CACNA1A: variants seen among roughly 807,000 people sequenced by gnomAD.
CACNA1A encodes the protein calcium voltage-gated channel subunit alpha1 A, also known as voltage-dependent P/Q-type calcium channel subunit alpha-1A.
In CACNA1A, 57 loss-of-function variants were observed where a neutral mutation model predicts 262.4. That is an observed-to-expected ratio of 0.22 (90% CI 0.18 to 0.27). The LOEUF (loss-of-function observed/expected upper bound fraction) is 0.27, where lower values mean the gene tolerates loss of function less well. Ranked by LOEUF, CACNA1A falls within the 10% of genes least tolerant of loss-of-function variation. The pLI is 1.00. For synonymous variants in CACNA1A, 1,431 were observed against 1,419.3 expected (o/e 1.01, Z -0.18); for missense variants, 2,526 against 3,562.8 (o/e 0.71, Z 7.41).
rs563188900 is a variant in CACNA1A at position 13,500,243 on chromosome 19, C to T, written c.293+5689G>A. ...TACCTTTTCTCATTTGCTCAGCAAA[C>T]GTTTATAGGACGCCTGCTTTGTCCC... On this transcript the variant is annotated intron_variant, in intron 1 of 46. Transcript: ENST00000360228. Among the ~76,000 whole-genome samples, 17 of 152,304 alleles carry T rather than the reference C, an allele frequency of 1.1e-4. No individual in the cohort carries two copies. In the South Asian group the frequency reaches 2.1e-3, roughly 19 times the overall value.
intron 3 of CACNA1A, among the ~76,000 whole-genome samples, chr19:13,429,663 T>C (rs1437119275): frequency 2.4e-4 from 36 of 151,948 alleles, no homozygotes. Flanking sequence ...ACTCAGCTAT[T>C]TGTACACACA....
intron 1 of CACNA1A, among the ~76,000 whole-genome samples, chr19:13,466,900 A>C (rs2145011216): frequency 6.7e-6 from 1 of 149,954 alleles, no homozygotes. Flanking sequence ...TTATTTATTT[A>C]TTTATTTATT....
intron 17 of CACNA1A, among the ~76,000 whole-genome samples, chr19:13,301,064 C>T (rs891119790): frequency 6.6e-6 from 1 of 152,232 alleles, no homozygotes; most frequent in Non-Finnish European, 1.5e-5. Flanking sequence ...CCTCCCACCT[C>T]AGCCTCCCAA....
chr19:13,494,019 A>G (rs1179385826), intron 1 of CACNA1A, among the ~76,000 whole-genome samples: 1 of 152,262 alleles, frequency 6.6e-6, no homozygotes. Context: ...TCATCTTGCT[A>G]GAACAAGATA....
intron 1 of CACNA1A, among the ~76,000 whole-genome samples, chr19:13,495,884 G>GTCATCCATCCAGTCATCCAT (rs1254760543): frequency 6.6e-6 from 1 of 151,546 alleles, no homozygotes; most frequent in Non-Finnish European, 1.5e-5. Context: ...AATCCATCCA[G>GTCATCCATCCAGTCATCCAT]TCATCCATCC....
intron 36 of CACNA1A, chr19:13,229,098 G>A: frequency 5.1e-6 from 1 of 194,252 alleles, no homozygotes; most frequent in Non-Finnish European, 1.1e-5. Flanking sequence ...CTTGGGGACA[G>A]CATCCAATTG....
chr19:13,248,330 C>G (rs2056303471), intron 30 of CACNA1A, among the ~76,000 whole-genome samples: 1 of 141,966 alleles, frequency 7.0e-6, no homozygotes, highest in African/African-American at 2.6e-5. Context: ...AATTCCAGCA[C>G]TTTGGGAGGC....
intron 24 of CACNA1A, among the ~76,000 whole-genome samples, chr19:13,266,763 T>C (rs1178673998): frequency 6.6e-6 from 1 of 152,030 alleles, no homozygotes; most frequent in African/African-American, 2.4e-5. Flanking sequence ...TTAGTAGAGA[T>C]GGGGTTTCAC....
At chr19:13,417,969 A>T (rs4926283) in intron 3 of CACNA1A, among the ~76,000 whole-genome samples, 21,128 of 150,776 alleles carry the variant, frequency 0.14, 3,000 homozygotes, top group East Asian at 0.43. Context: ...TCCCCTGTCA[A>T]GAGCTCTCCC....
Position 13,415,658 on chromosome 19 carries a change from T to G in CACNA1A, c.539+37218A>C, listed in dbSNP as rs554183990. On this transcript the variant is annotated intron_variant, in intron 3 of 46. Transcript: ENST00000360228. ...GGGGAGGATGAGGCAGAGAATTGCT[T>G]GAACCTGGGAGGCGGAGGTTACAGT... Among the ~76,000 whole-genome samples, 119 of 148,400 alleles carry G rather than the reference T, an allele frequency of 8.0e-4. 1 individual carries two copies. Among genetic ancestry groups the G allele is most frequent in the Non-Finnish European group, 1.6e-3 (109 of 67,594 alleles).
intron 35 of CACNA1A, among the ~76,000 whole-genome samples, chr19:13,231,001 T>G (rs142216302): frequency 2.1e-3 from 35 of 16,408 alleles, no homozygotes; most frequent in Admixed American, 3.2e-3. Context: ...TTTTTTTTTT[T>G]GTTTGTTTTT....
intron 10 of CACNA1A, among the ~76,000 whole-genome samples, 194 bp downstream of exon 10, chr19:13,330,050 A>C (rs1191498135): frequency 6.6e-6 from 1 of 152,122 alleles, no homozygotes; most frequent in African/African-American, 2.4e-5. Context: ...ATTCCCACAA[A>C]ATAATGAGAA....
At chr19:13,376,909 T>A (rs1035632649) in intron 3 of CACNA1A, among the ~76,000 whole-genome samples, 29 of 138,842 alleles carry the variant, frequency 2.1e-4, no homozygotes, top group Non-Finnish European at 4.1e-4. Flanking sequence ...GATATATAAT[T>A]TATATTACAT....
chr19:13,234,140 G>C (rs1316978176), intron 34 of CACNA1A, among the ~76,000 whole-genome samples: 1 of 151,370 alleles, frequency 6.6e-6, no homozygotes, highest in Non-Finnish European at 1.5e-5. Context: ...ACGAGGTCAG[G>C]AGATCGAGAC....
chr19:13,492,499 G>A (rs1483850141), intron 1 of CACNA1A, among the ~76,000 whole-genome samples: 1 of 152,104 alleles, frequency 6.6e-6, no homozygotes, highest in Non-Finnish European at 1.5e-5. Context: ...CCAAAAGCCT[G>A]ACATACAACC....
At chr19:13,453,847 A>G (rs2060958783) in intron 2 of CACNA1A, among the ~76,000 whole-genome samples, 1 of 152,034 alleles carries the variant, frequency 6.6e-6, no homozygotes, top group African/African-American at 2.4e-5. Flanking sequence ...TGGTACTTCT[A>G]CTTGCTTACC....
chr19:13,223,680 C>T (rs2055322873), intron 38 of CACNA1A, among the ~76,000 whole-genome samples: 1 of 152,150 alleles, frequency 6.6e-6, no homozygotes, highest in African/African-American at 2.4e-5. Flanking sequence ...AGCTCAATGC[C>T]CCGGGTGTCC....
intron 10 of CACNA1A, among the ~76,000 whole-genome samples, chr19:13,319,292 C>T (rs2058197615): frequency 6.6e-6 from 1 of 152,128 alleles, no homozygotes; most frequent in South Asian, 2.1e-4. Flanking sequence ...TTCTTTCATC[C>T]ATCCATTTGT....
At position 13,241,561 on chromosome 19, in the gene CACNA1A, C is replaced by A; in HGVS notation, c.4950+3621G>T. Reference sequence around the variant, plus strand: ...GATGTTGAAGATGAGGGGGAGCGGGCGGGCGGGGGCAGTTGGGGAGGCGTG... The same window carrying A: ...GATGTTGAAGATGAGGGGGAGCGGGAGGGCGGGGGCAGTTGGGGAGGCGTG... On this transcript the variant is annotated intron_variant, in intron 31 of 46. Coordinates refer to ENST00000360228, the MANE Select transcript of CACNA1A (RefSeq NM_001127222.2). This position sits in a 1 kb window ranked among gnomAD's most constrained non-coding sequence, Gnocchi z 4.0. 1.6e-5 allele frequency: 3 copies of A among 185,862 alleles called. No individual in the cohort carries two copies. Among genetic ancestry groups the A allele is most frequent in the Non-Finnish European group, 3.1e-5 (3 of 95,600 alleles). 11.5% of individuals were successfully genotyped at this position (185,862 alleles called of 1,614,324 possible).
Sources: gnomAD v4.1 joint callset for allele counts (sites outside exome capture counted in the v4.1 genomes callset) on GRCh38, gnomAD v4.1.1 for gene constraint, Gnocchi (gnomAD v3.1) non-coding constraint, MANE v1.5 for transcripts, NCBI Gene and HGNC (gene_info 2026-07-23, HGNC 2026-07-21) for gene names.